Variants in CDC42BPA observed in about 807,000 individuals in gnomAD.
The protein encoded by CDC42BPA is CDC42 binding protein kinase alpha, also known as serine/threonine-protein kinase MRCK alpha.
A neutral mutation model predicts 223.5 loss-of-function variants in CDC42BPA; 80 were observed. The ratio of observed to expected loss-of-function variants is 0.36; its 90% CI spans 0.30 to 0.43. The LOEUF (loss-of-function observed/expected upper bound fraction) is 0.43. Ranked by LOEUF, CDC42BPA falls within the 20% of genes least tolerant of loss-of-function variation. The pLI, the probability that CDC42BPA is intolerant of heterozygous loss-of-function variation, is 1.00. For missense variants in CDC42BPA, 1,743 were observed against 2,099.9 expected, an observed-to-expected ratio of 0.83 and a Z score of 3.32; for synonymous variants, 694 against 718.6, an observed-to-expected ratio of 0.97 and a Z score of 0.55.
intron 11 of CDC42BPA, 142 bp from the exon 12 acceptor site, chr1:227,120,079 G>T: frequency 3.6e-6 from 2 of 551,882 alleles, no homozygotes; most frequent in Admixed American, 3.7e-5. Flanking sequence ...TATGACTCTT[G>T]ACAAATTAAA....
chr1:227,297,959 T>TAC (rs1285361515), intron 1 of CDC42BPA, among the ~76,000 whole-genome samples: 1 of 103,052 alleles, frequency 9.7e-6, no homozygotes, highest in African/African-American at 4.2e-5. Context: ...TGTGTGTATA[T>TAC]ATACATATAC....
chr1:227,126,460 CAAGAAAGGAAGG>C (rs1350482509), intron 11 of CDC42BPA, among the ~76,000 whole-genome samples: 7 of 94,358 alleles, frequency 7.4e-5, no homozygotes, highest in Non-Finnish European at 8.3e-5. Flanking sequence ...ACAGGCAGTA[CAAGAAAGGAAGG>C]AAGGAAGGAA....
At chr1:227,266,436 G>A (rs913576850) in intron 1 of CDC42BPA, among the ~76,000 whole-genome samples, 1 of 152,194 alleles carries the variant, frequency 6.6e-6, no homozygotes, top group Non-Finnish European at 1.5e-5. Context: ...TGCTGAGCCA[G>A]AGAGCCAACC....
At chr1:227,312,286 T>C (rs2148826711) in intron 1 of CDC42BPA, among the ~76,000 whole-genome samples, 1 of 152,316 alleles carries the variant, frequency 6.6e-6, no homozygotes, top group Non-Finnish European at 1.5e-5. Flanking sequence ...GGTCAGAGAA[T>C]AAATTTTTGA....
chr1:227,218,420 ACT>A (rs1248917404), intron 2 of CDC42BPA, among the ~76,000 whole-genome samples: 1 of 152,128 alleles, frequency 6.6e-6, no homozygotes, highest in African/African-American at 2.4e-5. Context: ...ACAAAAAATA[ACT>A]CTTATTTATA....
chr1:227,176,959 C>G (rs1261812475), intron 5 of CDC42BPA, among the ~76,000 whole-genome samples: 1 of 151,410 alleles, frequency 6.6e-6, no homozygotes, highest in Non-Finnish European at 1.5e-5. Flanking sequence ...TCCACTGGCT[C>G]TTTATGCCCC....
rs146439599 is a variant in CDC42BPA at position 227,309,457 on chromosome 1, G to C, written c.178+7548C>G. Among the ~76,000 whole-genome samples the C allele has an allele frequency of 1.1e-3, 164 of 152,246 alleles. 1 individual carries two copies. The highest frequency in any genetic ancestry group is 3.7e-3 in the African/African-American group (154 of 41,534). On this transcript the variant is annotated intron_variant, in intron 1 of 36. Transcript: ENST00000366766. Reference sequence around the variant, plus strand: ...TATATATAAATAGTTGCTGGCACTAGAAACACAGCGCTTCATGGATGTAAT... The same window carrying C: ...TATATATAAATAGTTGCTGGCACTACAAACACAGCGCTTCATGGATGTAAT...
At chr1:227,107,488 A>C (rs1686131100) in intron 14 of CDC42BPA, among the ~76,000 whole-genome samples, 1 of 152,144 alleles carries the variant, frequency 6.6e-6, no homozygotes, top group African/African-American at 2.4e-5. Flanking sequence ...TGGCCCAATC[A>C]TGGCTCACTG....
intron 3 of CDC42BPA, among the ~76,000 whole-genome samples, chr1:227,212,419 T>C (rs980681655): frequency 1.3e-5 from 2 of 152,160 alleles, no homozygotes; most frequent in African/African-American, 2.4e-5. Context: ...TATCACCTTT[T>C]ACCAGTTAAA....
chr1:227,137,362 A>T (rs1469732857), intron 10 of CDC42BPA, among the ~76,000 whole-genome samples: 1 of 152,114 alleles, frequency 6.6e-6, no homozygotes, highest in African/African-American at 2.4e-5. Context: ...AACGCGGACG[A>T]TAAGTTCTGG....
intron 35 of CDC42BPA, among the ~76,000 whole-genome samples, chr1:227,000,254 G>A (rs937685165): frequency 6.6e-6 from 1 of 151,932 alleles, no homozygotes; most frequent in Non-Finnish European, 1.5e-5. Context: ...CACATGCACT[G>A]GTCTTCATTT....
At chr1:227,001,374 T>C (rs1034390237) in intron 35 of CDC42BPA, among the ~76,000 whole-genome samples, 17 of 152,132 alleles carry the variant, frequency 1.1e-4, no homozygotes, top group African/African-American at 4.1e-4. Context: ...AAGGCCAAAC[T>C]CAATGAATGC....
rs563881560 is a variant in CDC42BPA, at chr1:227,195,535, A to G, written c.451-1601T>C. 5.9e-5 allele frequency among the ~76,000 whole-genome samples: 9 copies of G among 152,200 alleles called. No homozygotes were observed. In the South Asian group the frequency reaches 1.9e-3, roughly 32 times the overall value. On this transcript the variant is annotated intron_variant, in intron 4 of 36. Transcript: ENST00000366766. ...TACTTTTGATTAAAGTGTGAAGACT[A>G]TTTTCTTATAGACAGAGTCTATAAG...
chr1:227,251,725 G>T (rs1682040008), intron 2 of CDC42BPA, among the ~76,000 whole-genome samples: 2 of 151,976 alleles, frequency 1.3e-5, no homozygotes, highest in Non-Finnish European at 2.9e-5. Context: ...AAGAAATAAA[G>T]AAATCCTCCC....
intron 2 of CDC42BPA, among the ~76,000 whole-genome samples, chr1:227,236,711 A>G (rs1679097198): frequency 6.6e-6 from 1 of 152,088 alleles, no homozygotes; most frequent in East Asian, 1.9e-4. Flanking sequence ...CTACAGCCCT[A>G]CCCGATCACA....
intron 11 of CDC42BPA, among the ~76,000 whole-genome samples, chr1:227,123,309 A>G (rs1345049593): frequency 6.6e-6 from 1 of 152,232 alleles, no homozygotes; most frequent in African/African-American, 2.4e-5. Flanking sequence ...CTCAAAAGAA[A>G]AAACAGTACT....
chr1:227,316,353 C>T (rs1444564005), intron 1 of CDC42BPA, among the ~76,000 whole-genome samples: 1 of 152,194 alleles, frequency 6.6e-6, no homozygotes, highest in Non-Finnish European at 1.5e-5. Context: ...AAAACCTAAC[C>T]AGTTTAGATT....
Position 227,208,185 on chromosome 1 carries a change from T to C in CDC42BPA, c.354+4951A>G, listed in dbSNP as rs1000675557. On this transcript the variant is annotated intron_variant, in intron 3 of 36. Coordinates refer to ENST00000366766, the MANE Select transcript of CDC42BPA (RefSeq NM_001394014.1). ...TCTTCTTTTGAGAAGTGTCTGTTCA[T>C]GTCCTTCACCCACTTTTTGATGGGG... is the stretch of plus-strand genomic sequence containing the variant. 8.0e-5 allele frequency among the ~76,000 whole-genome samples: 12 copies of C among 150,488 alleles called. No individual in the cohort carries two copies. In the South Asian group the frequency reaches 1.3e-3, roughly 16 times the overall value.
chr1:227,224,235 CTTTTT>C (rs113833866), intron 2 of CDC42BPA, among the ~76,000 whole-genome samples: 2 of 141,856 alleles, frequency 1.4e-5, no homozygotes, highest in East Asian at 2.0e-4. Context: ...ATGTTTCTTC[CTTTTT>C]TTTTTTTTTT....
Sources: gnomAD v4.1 joint callset for allele counts (sites outside exome capture counted in the v4.1 genomes callset) on GRCh38, gnomAD v4.1.1 for gene constraint, MANE v1.5 for transcripts, NCBI Gene and HGNC (gene_info 2026-07-23, HGNC 2026-07-21) for gene names.